PCAT7: variants seen among roughly 807,000 people sequenced by gnomAD.
PCAT7 encodes prostate cancer associated transcript 7.
At chr9:94,565,986 T>C (rs1326074358) in intron 2 of PCAT7, among the ~76,000 whole-genome samples, 1 of 152,190 alleles carries the variant, frequency 6.6e-6, no homozygotes, top group Non-Finnish European at 1.5e-5. Flanking sequence ...GAGAGTGTTC[T>C]GAGAAAGCCA....
chr9:94,563,729 CAA>C (rs1317771222), intron 2 of PCAT7, among the ~76,000 whole-genome samples: 2 of 94,572 alleles, frequency 2.1e-5, no homozygotes, highest in African/African-American at 3.7e-5. Flanking sequence ...AGCCGCTAAA[CAA>C]ACAAAGAAAA....
At position 94,561,389 on chromosome 9, in the gene PCAT7, A is replaced by G. The variant is rs1262525011; in HGVS notation, n.441+2237A>G. ...TTTTTTTTTTTTTTTTTGAGATGGA[A>G]TCTCACTCTGTCACCCAGGCTGGAG... is the stretch of plus-strand genomic sequence containing the variant. On this transcript the variant is annotated intron_variant and non_coding_transcript_variant, in intron 2 of 8. Coordinates refer to ENST00000647389, the Ensembl canonical transcript of PCAT7. 3.2e-4 allele frequency among the ~76,000 whole-genome samples: 30 copies of G among 94,500 alleles called. No homozygotes were observed. In the Admixed American group the frequency reaches 5.1e-3, roughly 16 times the overall value. The allele number at this position is 94,500 out of a possible 152,430, so 62.0% of individuals were successfully genotyped here.
At chr9:94,554,861 C>A (rs1826981696), upstream of PCAT7, among the ~76,000 whole-genome samples, 1 of 152,204 alleles carries the variant, frequency 6.6e-6, no homozygotes, top group South Asian at 2.1e-4. Context: ...CGTAGTAGCT[C>A]CCCACACCCA....
intron 2 of PCAT7, chr9:94,563,219 C>T (rs1188301437): frequency 8.8e-7 from 1 of 1,130,682 alleles, no homozygotes; most frequent in Non-Finnish European, 1.2e-6. Flanking sequence ...CATTTTTCCT[C>T]CCCTGCCCAT....
chr9:94,558,762 A>G (rs1387490611), intron 1 of PCAT7: 12 of 615,756 alleles, frequency 1.9e-5, no homozygotes, highest in Non-Finnish European at 3.4e-5. Context: ...CACATTGACC[A>G]TAGAATCGCC....
At chr9:94,567,676 T>C in intron 2 of PCAT7, 1 of 394,818 alleles carries the variant, frequency 2.5e-6, no homozygotes, top group East Asian at 4.0e-5. Context: ...TCTTTTCCTG[T>C]GCATCTTCCA....
chr9:94,573,696 ATTTAT>A (rs1222448045), intron 3 of PCAT7, among the ~76,000 whole-genome samples: 1 of 152,140 alleles, frequency 6.6e-6, no homozygotes, highest in Admixed American at 6.5e-5. Context: ...ATGGTGTATA[ATTTAT>A]TTTATGTATT....
At chr9:94,573,521 T>A (rs115284150) in intron 3 of PCAT7, among the ~76,000 whole-genome samples, 73,728 of 151,830 alleles carry the variant, frequency 0.49, 18,505 homozygotes, top group African/African-American at 0.6. Flanking sequence ...AGCAAGTTTC[T>A]TTTTTAAATA....
At chr9:94,572,431 C>T (rs1229988913) in intron 2 of PCAT7, among the ~76,000 whole-genome samples, 2 of 152,152 alleles carry the variant, frequency 1.3e-5, no homozygotes, top group Non-Finnish European at 2.9e-5. Context: ...AACTGGAGTA[C>T]AGCATTGTTG....
At chr9:94,561,566 T>C (rs914941432) in intron 2 of PCAT7, among the ~76,000 whole-genome samples, 4 of 151,888 alleles carry the variant, frequency 2.6e-5, no homozygotes, top group Admixed American at 1.3e-4. Flanking sequence ...GGGGTTTCAC[T>C]GTGTTAGCCA....
chr9:94,569,924 T>C (rs1013955090), intron 2 of PCAT7: 1 of 152,232 alleles, frequency 6.6e-6, no homozygotes, highest in African/African-American at 2.4e-5. Context: ...ATGGCATTTC[T>C]ATCTGTGACA....
At chr9:94,566,199 G>GC (rs1443343787) in intron 2 of PCAT7, among the ~76,000 whole-genome samples, 1 of 152,128 alleles carries the variant, frequency 6.6e-6, no homozygotes, top group Non-Finnish European at 1.5e-5. Context: ...TTGGGAACAG[G>GC]CCCCCCAAAA....
At chr9:94,563,300 C>T in intron 2 of PCAT7, 1 of 1,601,838 alleles carries the variant, frequency 6.2e-7, no homozygotes, top group Non-Finnish European at 8.5e-7. Context: ...GCTCCCCCAC[C>T]TCCCTGACCG....
intron 2 of PCAT7, chr9:94,563,370 G>A: frequency 1.9e-6 from 3 of 1,614,114 alleles, no homozygotes. Flanking sequence ...CTGGTTGGCT[G>A]GGTACAGGAA....
intron 2 of PCAT7, chr9:94,569,316 C>G (rs1827239646): frequency 6.6e-6 from 1 of 152,310 alleles, no homozygotes. Context: ...CTTCCTGGTC[C>G]TCTAGTCCTG....
At chr9:94,573,371 A>G (rs542358305) in intron 3 of PCAT7, among the ~76,000 whole-genome samples, 10 of 152,078 alleles carry the variant, frequency 6.6e-5, no homozygotes, top group Non-Finnish European at 1.2e-4. Context: ...TCATCCTCCC[A>G]TCTCAACTTC....
intron 2 of PCAT7, among the ~76,000 whole-genome samples, chr9:94,564,217 G>A (rs1827152651): frequency 6.6e-6 from 1 of 152,088 alleles, no homozygotes; most frequent in Non-Finnish European, 1.5e-5. Context: ...AGTAAAATTG[G>A]AACACACAAT....
chr9:94,554,625 AGGC>A (rs1316179801), upstream of PCAT7, among the ~76,000 whole-genome samples: 2 of 145,306 alleles, frequency 1.4e-5, no homozygotes, highest in African/African-American at 2.5e-5. Context: ...AACCGCAGCG[AGGC>A]GAGCCGCGGA....
Position 94,558,243 on chromosome 9 carries a change from A to T in PCAT7, n.258-726A>T, listed in dbSNP as rs191449850. On this transcript the variant is annotated intron_variant and non_coding_transcript_variant, in intron 1 of 8. Coordinates refer to ENST00000647389, the Ensembl canonical transcript of PCAT7. Reference sequence around the variant, plus strand: ...AAATTTACATGTGTTTGAGGGAGGTAATCACTACAGGATAAGACACTAGGT... The same window carrying T: ...AAATTTACATGTGTTTGAGGGAGGTTATCACTACAGGATAAGACACTAGGT... 3.8e-3 allele frequency among the ~76,000 whole-genome samples: 578 copies of T among 152,294 alleles called. 1 individual carries two copies. Among genetic ancestry groups the T allele is most frequent in the Non-Finnish European group, 4.0e-3 (272 of 68,026 alleles).
Sources: gnomAD v4.1 joint callset for allele counts (sites outside exome capture counted in the v4.1 genomes callset) on GRCh38, gnomAD v4.1.1 for gene constraint, MANE v1.5 for transcripts, NCBI Gene and HGNC (gene_info 2026-07-23, HGNC 2026-07-21) for gene names.